The following ABCB11 variants were observed in gnomAD, a reference collection of about 807,000 sequenced individuals.
The protein encoded by ABCB11 is ATP binding cassette subfamily B member 11, also known as bile salt export pump.
ABCB11 carries 95 observed loss-of-function variants against 148.0 expected under a neutral mutation model. The ratio of observed to expected loss-of-function variants is 0.64; its 90% CI spans 0.54 to 0.76. The LOEUF is 0.76. Ranked by LOEUF, ABCB11 falls within the 30% of genes least tolerant of loss-of-function variation. ABCB11 has a pLI of 0.00. For missense variants in ABCB11, 1,523 were observed against 1,617.8 expected (o/e 0.94, Z 1.01); for synonymous variants, 591 against 555.4 (o/e 1.06, Z -0.90).
downstream of ABCB11, among the ~76,000 whole-genome samples, chr2:168,917,217 C>T (rs1690958736): frequency 6.6e-6 from 1 of 151,872 alleles, no homozygotes; most frequent in South Asian, 2.1e-4. Context: ...AAACTAGAGG[C>T]CAATTTTTCT....
chr2:168,984,189 A>ACCCC (rs1209071214), intron 10 of ABCB11, among the ~76,000 whole-genome samples: 1 of 150,926 alleles, frequency 6.6e-6, no homozygotes, highest in East Asian at 2.0e-4. Context: ...GCCTTCCTGG[A>ACCCC]CCCCCGCCAC....
At chr2:168,964,142 G>T (rs1693194472) in intron 18 of ABCB11, 64 bp downstream of exon 18, 8 of 1,246,146 alleles carry the variant, frequency 6.4e-6, no homozygotes, top group Non-Finnish European at 9.2e-6. Context: ...CAGGCTTAAA[G>T]GGTACCCAAC....
chr2:168,926,226 T>C (rs949260426), intron 26 of ABCB11, among the ~76,000 whole-genome samples: 6 of 152,202 alleles, frequency 3.9e-5, no homozygotes, highest in Non-Finnish European at 5.9e-5. Flanking sequence ...GATGGAAAAA[T>C]GCAGAGTCAA....
chr2:169,017,915 A>G (rs1573984719), intron 2 of ABCB11, 135 bp downstream of exon 2: 1 of 807,644 alleles, frequency 1.2e-6, no homozygotes, highest in Non-Finnish European at 2.2e-6. Flanking sequence ...ACAGTTGTGT[A>G]TAAGAATCAC....
intron 21 of ABCB11, among the ~76,000 whole-genome samples, chr2:168,937,366 C>A (rs1481062885): frequency 1.3e-5 from 2 of 152,058 alleles, no homozygotes; most frequent in South Asian, 4.1e-4. Context: ...TGGATATAGA[C>A]CTAGGAGTGG....
intron 19 of ABCB11, among the ~76,000 whole-genome samples, chr2:168,956,246 T>C (rs1240298922): frequency 8.6e-5 from 13 of 151,644 alleles, no homozygotes. Flanking sequence ...CACCCACCCA[T>C]GATCCAATTA....
chr2:168,975,548 A>AATATTTTTATATTT (rs1558901163), intron 12 of ABCB11, among the ~76,000 whole-genome samples: 1,541 of 22,932 alleles, frequency 0.067, 632 homozygotes, highest in East Asian at 0.14. Context: ...TAAATATATA[A>AATATTTTTATATTT]ATACATAAAT....
At chr2:168,945,800 G>T (rs853786) in intron 19 of ABCB11, among the ~76,000 whole-genome samples, 1 of 151,350 alleles carries the variant, frequency 6.6e-6, no homozygotes, top group Non-Finnish European at 1.5e-5. Context: ...GTAATTTGCC[G>T]GTTAATTAGT....
intron 9 of ABCB11, among the ~76,000 whole-genome samples, chr2:168,990,350 T>C (rs1005357829): frequency 3.9e-5 from 6 of 152,080 alleles, no homozygotes; most frequent in Admixed American, 2.0e-4. Flanking sequence ...CAGGTTGTAT[T>C]TTTATAGGAA....
chr2:169,001,624 G>A (rs143626317), intron 5 of ABCB11, among the ~76,000 whole-genome samples: 1 of 152,276 alleles, frequency 6.6e-6, no homozygotes, highest in Non-Finnish European at 1.5e-5. Context: ...AACATTCGCT[G>A]GCATGGGTGA....
intron 11 of ABCB11, among the ~76,000 whole-genome samples, chr2:168,977,893 C>T (rs971685365): frequency 1.1e-4 from 17 of 152,068 alleles, no homozygotes; most frequent in African/African-American, 3.9e-4. Context: ...GTCTGTCCCT[C>T]GACACATGGG....
chr2:168,969,973 G>T, intron 15 of ABCB11, 72 bp downstream of exon 15: 1 of 581,206 alleles, frequency 1.7e-6, no homozygotes, highest in Non-Finnish European at 3.2e-6. Flanking sequence ...CACCCCACAA[G>T]GAGCTGCCTT....
At chr2:168,943,354 A>G (rs539950927) in intron 21 of ABCB11, among the ~76,000 whole-genome samples, 1 of 152,080 alleles carries the variant, frequency 6.6e-6, no homozygotes, top group East Asian at 1.9e-4. Context: ...TTACATTTTG[A>G]GAACTAAGAA....
chr2:169,018,265 C>A, intron 1 of ABCB11, 113 bp from the exon 2 acceptor site: 1 of 948,792 alleles, frequency 1.1e-6, no homozygotes. Flanking sequence ...ACTAATCAAT[C>A]TCAGACAAAA....
chr2:168,956,397 T>A (rs941763340), intron 19 of ABCB11, among the ~76,000 whole-genome samples: 1 of 151,756 alleles, frequency 6.6e-6, no homozygotes, highest in South Asian at 2.1e-4. Context: ...TGCTTTTTCA[T>A]GTTTCCTATG....
chr2:168,930,709 T>C lies in ABCB11; in HGVS notation c.3367A>G (p.Ile1123Val). Residue 1123 changes from isoleucine (I) to valine (V), a missense_variant, in exon 25 of 28, where the codon ATT becomes GTT. By Grantham distance (29) the Ile-to-Val change is conservative (BLOSUM62 3). Coordinates refer to ENST00000650372, the MANE Select transcript of ABCB11 (RefSeq NM_003742.4). ...TCATAGAAACGTTCCAACAGCTGAA[T>C]GCTAGTGCTTTTGCCACATCCACTG... is the stretch of plus-strand genomic sequence containing the variant. ...GSSGCGKSTS[I>V]QLLERFYDPD... The C allele has an allele frequency of 2.5e-6, 4 of 1,592,990 alleles. 1 individual carries two copies. The highest frequency in any genetic ancestry group is 3.4e-6 in the Non-Finnish European group (4 of 1,165,438).
At chr2:168,968,272 A>C (rs1017581983) in intron 17 of ABCB11, among the ~76,000 whole-genome samples, 155 bp downstream of exon 17, 6 of 152,080 alleles carry the variant, frequency 3.9e-5, no homozygotes, top group African/African-American at 9.6e-5. Context: ...TCAATATAGC[A>C]ACCAAGGATC....
chr2:169,014,210 C>T (rs1695283117), intron 4 of ABCB11, 93 bp downstream of exon 4: 1 of 1,285,034 alleles, frequency 7.8e-7, no homozygotes, highest in Non-Finnish European at 1.1e-6. Context: ...AGTTAAAAAC[C>T]TGCCAATATG....
intron 12 of ABCB11, among the ~76,000 whole-genome samples, chr2:168,976,294 G>A (rs1159663434): frequency 6.6e-6 from 1 of 152,070 alleles, no homozygotes; most frequent in Non-Finnish European, 1.5e-5. Context: ...GGAAAGACAG[G>A]ACCTGCCACT....
Sources: gnomAD v4.1 joint callset for allele counts (sites outside exome capture counted in the v4.1 genomes callset) on GRCh38, gnomAD v4.1.1 for gene constraint, MANE v1.5 for transcripts, NCBI Gene and HGNC (gene_info 2026-07-23, HGNC 2026-07-21) for gene names.